Variants in SPIDR observed in about 807,000 individuals in gnomAD.
SPIDR encodes DNA repair-scaffolding protein.
Under a neutral mutation model 104.6 loss-of-function variants are expected in SPIDR, and 93 were observed. The ratio of observed to expected loss-of-function variants is 0.89; its 90% CI spans 0.75 to 1.06. The LOEUF is 1.06. Among genes scored for constraint, SPIDR ranks in the 50% least tolerant of loss-of-function variants. The pLI is 0.00. For missense variants in SPIDR, 1,154 were observed against 1,111.2 expected (o/e 1.04, Z -0.55); for synonymous variants, 431 against 416.9 (o/e 1.03, Z -0.41).
intron 8 of SPIDR, among the ~76,000 whole-genome samples, chr8:47,518,660 G>C (rs559803288): frequency 1.3e-5 from 2 of 149,808 alleles, no homozygotes; most frequent in East Asian, 1.9e-4. Context: ...TTTTTGAGAC[G>C]GAGTCTTGCT....
chr8:47,481,347 T>TG, intron 8 of SPIDR, among the ~76,000 whole-genome samples: 1 of 152,324 alleles, frequency 6.6e-6, no homozygotes, highest in Non-Finnish European at 1.5e-5. Context: ...GTTCCAAGAT[T>TG]GATGGTTGGC....
At chr8:47,368,019 C>T (rs71527667) in intron 5 of SPIDR, among the ~76,000 whole-genome samples, 96 of 152,216 alleles carry the variant, frequency 6.3e-4, no homozygotes, top group Middle Eastern at 6.8e-3. Context: ...TCTCACAGTT[C>T]TGGAGGCTGG....
intron 8 of SPIDR, among the ~76,000 whole-genome samples, chr8:47,528,614 T>G (rs954637373): frequency 6.6e-6 from 1 of 151,698 alleles, no homozygotes; most frequent in Non-Finnish European, 1.5e-5. Flanking sequence ...TTAGGAAAGA[T>G]CAAAAGGAAA....
chr8:47,402,898 A>G (rs79850959), intron 6 of SPIDR, among the ~76,000 whole-genome samples: 2 of 152,128 alleles, frequency 1.3e-5, no homozygotes, highest in Admixed American at 6.6e-5. Flanking sequence ...GAGACACAAC[A>G]AAAAAAGACA....
chr8:47,436,596 C>T (rs1264759618), intron 7 of SPIDR, among the ~76,000 whole-genome samples: 1 of 152,058 alleles, frequency 6.6e-6, no homozygotes, highest in African/African-American at 2.4e-5. Context: ...TATGGTGGTG[C>T]GAGCCTGTCA....
chr8:47,518,667 T>A (rs1172027253), intron 8 of SPIDR, among the ~76,000 whole-genome samples: 1 of 151,460 alleles, frequency 6.6e-6, no homozygotes, highest in Non-Finnish European at 1.5e-5. Flanking sequence ...GACGGAGTCT[T>A]GCTCTGTCGC....
chr8:47,576,247 G>C (rs1050949051), intron 8 of SPIDR, among the ~76,000 whole-genome samples: 2 of 151,908 alleles, frequency 1.3e-5, no homozygotes, highest in East Asian at 3.9e-4. Flanking sequence ...CGCCTCCGGG[G>C]TTCAAGCAGT....
At chr8:47,436,850 G>C (rs1198880005) in intron 7 of SPIDR, among the ~76,000 whole-genome samples, 1 of 152,156 alleles carries the variant, frequency 6.6e-6, no homozygotes, top group African/African-American at 2.4e-5. Flanking sequence ...GGCCCTGGAG[G>C]ATGTTTTGTA....
At chr8:47,492,363 A>C (rs117244414) in intron 8 of SPIDR, among the ~76,000 whole-genome samples, 1 of 151,838 alleles carries the variant, frequency 6.6e-6, no homozygotes, top group East Asian at 1.9e-4. Context: ...TCCTCTACGG[A>C]GGGGTTGGTT....
intron 16 of SPIDR, among the ~76,000 whole-genome samples, chr8:47,725,419 GTC>G (rs1348407834): frequency 6.6e-6 from 1 of 152,124 alleles, no homozygotes; most frequent in Non-Finnish European, 1.5e-5. Flanking sequence ...TTGAGATAGA[GTC>G]TCTCTCTGTC....
At chr8:47,272,245 G>A (rs1208313327) in intron 1 of SPIDR, among the ~76,000 whole-genome samples, 11 of 152,150 alleles carry the variant, frequency 7.2e-5, no homozygotes, top group Admixed American at 7.2e-4. Flanking sequence ...GGGGTTATAG[G>A]CATGAGCCAC....
At chr8:47,704,093 T>G (rs2080729032) in intron 14 of SPIDR, among the ~76,000 whole-genome samples, 1 of 152,268 alleles carries the variant, frequency 6.6e-6, no homozygotes. Context: ...TTGCGTTTCC[T>G]TTCCTTCTCT....
At chr8:47,592,816 C>T (rs535622827) in intron 8 of SPIDR, among the ~76,000 whole-genome samples, 93 of 152,174 alleles carry the variant, frequency 6.1e-4, no homozygotes, top group African/African-American at 2.2e-3. Flanking sequence ...CTTGTATGTA[C>T]CTGTATTATT....
chr8:47,674,190 T>C (rs1223904331), intron 11 of SPIDR, among the ~76,000 whole-genome samples: 3 of 152,242 alleles, frequency 2.0e-5, no homozygotes, highest in African/African-American at 7.2e-5. Flanking sequence ...TAAAATGTTA[T>C]GTATGTCTTT....
At chr8:47,548,243 T>C (rs1280898846) in intron 8 of SPIDR, among the ~76,000 whole-genome samples, 6 of 152,222 alleles carry the variant, frequency 3.9e-5, no homozygotes, top group Non-Finnish European at 7.3e-5. Flanking sequence ...GGTACATGAA[T>C]TATACAGACG....
At chr8:47,386,846 C>T (rs1009047702) in intron 5 of SPIDR, among the ~76,000 whole-genome samples, 3 of 147,420 alleles carry the variant, frequency 2.0e-5, no homozygotes, top group Non-Finnish European at 4.5e-5. Flanking sequence ...TCTCATGTTC[C>T]AGAAAATAAG....
rs779656318 is a variant in SPIDR, at chr8:47,582,871, T to C, written c.1098-12940T>C. On this transcript the variant is annotated intron_variant, in intron 8 of 19. Transcript: ENST00000297423. ...ACACACACACACACACACACACACA[T>C]ATTTTTAAAAGCTTTCCACCAGACA... 3.3e-3 allele frequency among the ~76,000 whole-genome samples: 401 copies of C among 122,310 alleles called. 1 individual carries two copies. The highest frequency in any genetic ancestry group is 5.1e-3 in the Non-Finnish European group (257 of 50,862). The allele number at this position is 122,310 out of a possible 152,430, so 80.2% of individuals were successfully genotyped here.
intron 8 of SPIDR, among the ~76,000 whole-genome samples, chr8:47,476,420 A>G (rs1444762979): frequency 6.6e-5 from 10 of 152,192 alleles, no homozygotes; most frequent in Non-Finnish European, 1.5e-4. Flanking sequence ...ACCATGTGAA[A>G]GCACCCAGCA....
intron 5 of SPIDR, among the ~76,000 whole-genome samples, chr8:47,392,473 C>A (rs187035766): frequency 6.6e-6 from 1 of 152,354 alleles, no homozygotes; most frequent in African/African-American, 2.4e-5. Context: ...TTTCTTTATA[C>A]TGCTGTAGCA....
Sources: gnomAD v4.1 joint callset for allele counts (sites outside exome capture counted in the v4.1 genomes callset) on GRCh38, gnomAD v4.1.1 for gene constraint, MANE v1.5 for transcripts, NCBI Gene and HGNC (gene_info 2026-07-23, HGNC 2026-07-21) for gene names.